Variants in GPBP1L1 observed in about 807,000 individuals in gnomAD.
GPBP1L1 encodes the protein vasculin-like protein 1.
In GPBP1L1, 23 loss-of-function variants were observed where a neutral mutation model predicts 52.5. The observed-to-expected ratio is 0.44, with a 90% CI of 0.32 to 0.62. The LOEUF (loss-of-function observed/expected upper bound fraction) is 0.62, where lower values mean the gene tolerates loss of function less well. Among genes scored for constraint, GPBP1L1 ranks in the 20% least tolerant of loss-of-function variants. The probability of loss-of-function intolerance (pLI) is 0.06; values close to 1 mark genes in which losing one functional copy is unlikely to be tolerated. For missense variants in GPBP1L1, 596 were observed against 579.3 expected (o/e 1.03, Z -0.30); for synonymous variants, 243 against 203.1 (o/e 1.20, Z -1.67).
intron 6 of GPBP1L1, chr1:45,646,208 C>T (rs1644743827): frequency 1.1e-5 from 3 of 274,786 alleles, no homozygotes; most frequent in African/African-American, 4.6e-5. Context: ...TGTGGCAGCG[C>T]GAAACAATGC....
intron 2 of GPBP1L1, among the ~76,000 whole-genome samples, chr1:45,672,604 T>A (rs1265138852): frequency 6.6e-6 from 1 of 151,974 alleles, no homozygotes; most frequent in African/African-American, 2.4e-5. Context: ...TGGATAAGAG[T>A]CTGCAGTTCA....
intron 12 of GPBP1L1, 121 bp downstream of exon 12, chr1:45,629,455 C>CCCCT: frequency 2.1e-5 from 1 of 48,056 alleles, no homozygotes; most frequent in Non-Finnish European, 4.5e-5. Flanking sequence ...CTAAGGTAAT[C>CCCCT]CCCCCCCCCC....
At chr1:45,671,085 C>T (rs986472146) in intron 2 of GPBP1L1, among the ~76,000 whole-genome samples, 5 of 151,792 alleles carry the variant, frequency 3.3e-5, no homozygotes, top group African/African-American at 7.2e-5. Context: ...TGAGCCACCG[C>T]GCCCGGACTA....
chr1:45,643,658 C>CTTTTTTTTTT lies in GPBP1L1; in HGVS notation c.478-1169_478-1160dup, dbSNP rs113388167. ...ATCTGGTAACAGGGTAGGAGAATGG[C>CTTTTTTTTTT]TTTTTTTTTTTTTTTTTTTTTTTTT... On this transcript the variant is annotated intron_variant, in intron 6 of 12. Transcript: ENST00000355105. Among the ~76,000 whole-genome samples, 12 of 65,142 alleles carry CTTTTTTTTTT rather than the reference C, an allele frequency of 1.8e-4. 2 individuals are homozygous for CTTTTTTTTTT. The highest frequency in any genetic ancestry group is 7.7e-4 in the African/African-American group (12 of 15,656). The allele number at this position is 65,142 out of a possible 152,430, so 42.7% of individuals were successfully genotyped here. A position where few individuals can be genotyped will look rare whatever the true frequency, so the allele number is the denominator to read the frequency against.
At chr1:45,655,502 T>A in intron 4 of GPBP1L1, 183 bp from the exon 5 acceptor site, 1 of 524,462 alleles carries the variant, frequency 1.9e-6, no homozygotes, top group South Asian at 2.9e-5. Flanking sequence ...CTAGGTTATA[T>A]ATTCAATTGC....
At chr1:45,628,465 C>A in intron 12 of GPBP1L1, 57 bp from the exon 13 acceptor site, 4 of 1,541,986 alleles carry the variant, frequency 2.6e-6, no homozygotes, top group Non-Finnish European at 3.5e-6. Context: ...ACTGTACTGA[C>A]CCATAAGCCC....
At position 45,629,822 on chromosome 1, in the gene GPBP1L1, C is replaced by G. The variant is rs1051042302; in HGVS notation, c.1170-144G>C. ...TTTGTTTTCCTCCCTGTGGGACAAG[C>G]TTTAATTGTGGCTACCTGGGTGCTG... On this transcript the variant is annotated intron_variant, in intron 11 of 12. Coordinates refer to ENST00000355105, the MANE Select transcript of GPBP1L1 (RefSeq NM_021639.5). 13 of 616,158 alleles carry G rather than the reference C, an allele frequency of 2.1e-5. No homozygotes were observed. In the East Asian group the frequency reaches 3.3e-4, roughly 16 times the overall value. The allele number at this position is 616,158 out of a possible 1,614,324, so 38.2% of individuals were successfully genotyped here.
At position 45,643,237 on chromosome 1, in the gene GPBP1L1, C is replaced by A. The variant is rs1026678648; in HGVS notation, c.478-738G>T. Among the ~76,000 whole-genome samples the A allele has an allele frequency of 2.0e-5, 3 of 152,244 alleles. No homozygotes were observed. The South Asian group carries it at 6.2e-4, about 32-fold the overall frequency. On this transcript the variant is annotated intron_variant, in intron 6 of 12. Coordinates refer to ENST00000355105, the MANE Select transcript of GPBP1L1 (RefSeq NM_021639.5). Reference sequence around the variant, plus strand: ...ATTAAAAAGAACAGAATATTCAGGTCTGCAAATAGTTCAGCATGAGTAGTG... The same window carrying A: ...ATTAAAAAGAACAGAATATTCAGGTATGCAAATAGTTCAGCATGAGTAGTG...
chr1:45,672,774 T>C (rs1645089782), intron 2 of GPBP1L1, among the ~76,000 whole-genome samples: 1 of 152,166 alleles, frequency 6.6e-6, no homozygotes, highest in Admixed American at 6.6e-5. Context: ...ACCCAGAAGC[T>C]AAGCAGAAAC....
chr1:45,668,237 T>A (rs1165570414), intron 2 of GPBP1L1, among the ~76,000 whole-genome samples: 1 of 152,188 alleles, frequency 6.6e-6, no homozygotes, highest in East Asian at 1.9e-4. Context: ...AAATGGTTGA[T>A]GAATGACAGT....
rs766033284 is a variant in GPBP1L1, at chr1:45,685,562, T to A, written c.-1098+14A>T. ...TATGTAAACTTTTGGAATAGTCAAC[T>A]TTGTGAGCCTCACCTTTGTTTTCAC... is the stretch of plus-strand genomic sequence containing the variant. On this transcript the variant is annotated intron_variant, in intron 2 of 12. Transcript: ENST00000355105. 1.3e-5 allele frequency: 2 copies of A among 152,220 alleles called. No homozygotes were observed. Among genetic ancestry groups the A allele is most frequent in the Non-Finnish European group, 2.9e-5 (2 of 68,030 alleles). The allele number at this position is 152,220 out of a possible 1,614,324, so 9.4% of individuals were successfully genotyped here.
At position 45,684,405 on chromosome 1, in the gene GPBP1L1, T is replaced by C. The variant is rs144960195; in HGVS notation, c.-1098+1171A>G. 4.4e-3 allele frequency among the ~76,000 whole-genome samples: 676 copies of C among 152,238 alleles called. 1 individual carries two copies. The highest frequency in any genetic ancestry group is 0.016 in the African/African-American group (646 of 41,550). On this transcript the variant is annotated intron_variant, in intron 2 of 12. Coordinates refer to ENST00000355105, the MANE Select transcript of GPBP1L1 (RefSeq NM_021639.5). ...GATATGCAATCTTCTGAAGTATGATTCACGATTGTGTCTTATCTTTAACTC... is the reference window on the plus strand; with the variant it reads ...GATATGCAATCTTCTGAAGTATGATCCACGATTGTGTCTTATCTTTAACTC...
intron 2 of GPBP1L1, among the ~76,000 whole-genome samples, chr1:45,678,135 T>C (rs1234088857): frequency 6.6e-6 from 1 of 152,182 alleles, no homozygotes; most frequent in African/African-American, 2.4e-5. Flanking sequence ...AGATTAGTGG[T>C]CGTCTAGAGC....
chr1:45,666,736 C>T (rs148710805), intron 2 of GPBP1L1, among the ~76,000 whole-genome samples: 1,535 of 152,258 alleles, frequency 0.01, 12 homozygotes, highest in Non-Finnish European at 0.014. Flanking sequence ...CATGTCCACA[C>T]AACACTTGTA....
At chr1:45,684,106 A>T (rs1489026753) in intron 2 of GPBP1L1, among the ~76,000 whole-genome samples, 7 of 151,686 alleles carry the variant, frequency 4.6e-5, no homozygotes, top group Non-Finnish European at 1.0e-4. Context: ...AAAATACAAA[A>T]AATTAGCCAG....
At chr1:45,666,848 C>A (rs1015600646) in intron 2 of GPBP1L1, among the ~76,000 whole-genome samples, 1 of 152,208 alleles carries the variant, frequency 6.6e-6, no homozygotes, top group Non-Finnish European at 1.5e-5. Flanking sequence ...ATTCACACCA[C>A]AGGCTATTAT....
rs1250 is a variant in GPBP1L1, at chr1:45,628,355, A to G, written c.1326T>C (p.Ser442=). 480,095 of 1,613,476 alleles carry G rather than the reference A, an allele frequency of 0.3. 72,248 individuals are homozygous for G. The highest frequency in any genetic ancestry group is 0.36 in the East Asian group (16,025 of 44,856). ...KNGFLQSRSS[S]LFSPWRSTCK... is the part of the protein sequence containing the mutation. ...AAGTGCTTCTCCAAGGGGAGAACAG[A>G]CTGGAACTGCGGCTCTGCAAGAAGC... Residue 442 remains serine (S), a synonymous_variant, in exon 13 of 13, where the codon AGT becomes AGC. Coordinates refer to ENST00000355105, the MANE Select transcript of GPBP1L1 (RefSeq NM_021639.5).
chr1:45,660,147 G>A, intron 3 of GPBP1L1, 37 bp downstream of exon 3: 3 of 975,434 alleles, frequency 3.1e-6, no homozygotes, highest in Non-Finnish European at 2.4e-6. Flanking sequence ...TATACATAGA[G>A]TCTTCTTTCC....
chr1:45,653,541 T>TA (rs1644845281), intron 6 of GPBP1L1, among the ~76,000 whole-genome samples: 2 of 151,852 alleles, frequency 1.3e-5, no homozygotes, highest in Non-Finnish European at 2.9e-5. Context: ...AAATTTTTTA[T>TA]AGAGACAAGG....
Sources: gnomAD v4.1 joint callset for allele counts (sites outside exome capture counted in the v4.1 genomes callset) on GRCh38, gnomAD v4.1.1 for gene constraint, MANE v1.5 for transcripts, NCBI Gene and HGNC (gene_info 2026-07-23, HGNC 2026-07-21) for gene names.